FHIT: variants seen among roughly 807,000 people sequenced by gnomAD.
FHIT encodes the protein bis(5'-adenosyl)-triphosphatase.
A neutral mutation model predicts 17.9 loss-of-function variants in FHIT; 19 were observed. That is an observed-to-expected ratio of 1.06 (90% confidence interval 0.74 to 1.56). The LOEUF is 1.56. Ranked by LOEUF, FHIT falls within the 40% of genes most tolerant of loss-of-function variation. The pLI, the probability that FHIT is intolerant of heterozygous loss-of-function variation, is 0.00. For missense variants in FHIT, 248 were observed against 189.2 expected (o/e 1.31, Z -1.82); for synonymous variants, 81 against 69.7 (o/e 1.16, Z -0.81).
At chr3:60,711,328 A>C (rs1429089066) in intron 4 of FHIT, among the ~76,000 whole-genome samples, 2 of 152,172 alleles carry the variant, frequency 1.3e-5, no homozygotes, top group Non-Finnish European at 2.9e-5. Context: ...TGGGGAAAAA[A>C]CAAGAGCAAA....
At chr3:60,106,751 T>A (rs1704434086) in intron 5 of FHIT, among the ~76,000 whole-genome samples, 1 of 152,150 alleles carries the variant, frequency 6.6e-6, no homozygotes, top group Non-Finnish European at 1.5e-5. Flanking sequence ...CAGGAGTGAA[T>A]CCAAAAGCCA....
At chr3:59,756,327 G>A (rs994929) in intron 8 of FHIT, among the ~76,000 whole-genome samples, 61,650 of 151,914 alleles carry the variant, frequency 0.41, 15,863 homozygotes, top group African/African-American at 0.73. Flanking sequence ...CAGCTCTAAA[G>A]TGACCCTCAC....
At chr3:61,059,395 T>G (rs1240833328) in intron 2 of FHIT, among the ~76,000 whole-genome samples, 3 of 123,764 alleles carry the variant, frequency 2.4e-5, no homozygotes, top group Non-Finnish European at 5.1e-5. Flanking sequence ...TTTTTTTTTT[T>G]GCCAGAAAGC....
At chr3:60,278,920 A>G (rs1707298028) in intron 5 of FHIT, among the ~76,000 whole-genome samples, 1 of 152,160 alleles carries the variant, frequency 6.6e-6, no homozygotes. Flanking sequence ...AACTGAACAC[A>G]TATATCAAAA....
At chr3:61,061,705 C>T (rs1323356116) in intron 2 of FHIT, among the ~76,000 whole-genome samples, 3 of 152,126 alleles carry the variant, frequency 2.0e-5, no homozygotes, top group East Asian at 1.9e-4. Context: ...CATTGTCCCT[C>T]GGGAGGAATA....
At chr3:61,036,017 T>TAGG (rs1348276554) in intron 3 of FHIT, among the ~76,000 whole-genome samples, 1 of 152,206 alleles carries the variant, frequency 6.6e-6, no homozygotes, top group Non-Finnish European at 1.5e-5. Context: ...AGGCCATTCT[T>TAGG]ACATTGCTAT....
chr3:61,064,026 G>C (rs2034519807), intron 2 of FHIT, among the ~76,000 whole-genome samples: 2 of 152,094 alleles, frequency 1.3e-5, no homozygotes, highest in Non-Finnish European at 2.9e-5. Flanking sequence ...GTACCTGCAG[G>C]TGGTAGTGTG....
At chr3:60,441,841 CTTTT>C (rs1393400309) in intron 5 of FHIT, among the ~76,000 whole-genome samples, 3 of 123,538 alleles carry the variant, frequency 2.4e-5, no homozygotes, top group African/African-American at 9.1e-5. Context: ...CCCGCTCATT[CTTTT>C]TTTAGTTGTG....
chr3:60,149,342 CTT>C lies in FHIT; in HGVS notation c.104-135192_104-135191del, dbSNP rs34596023. Among the ~76,000 whole-genome samples, 42 of 147,188 alleles carry C rather than the reference CTT, an allele frequency of 2.9e-4. No homozygotes were observed. The South Asian group carries it at 3.9e-3, about 14-fold the overall frequency. ...AGTGTTGGATATACTCTTCAACATG[CTT>C]TTTTTTTTTTCAGGATCAATGTTGA... On this transcript the variant is annotated intron_variant, in intron 5 of 9. Transcript: ENST00000492590.
At chr3:60,390,676 C>T (rs148052760) in intron 5 of FHIT, among the ~76,000 whole-genome samples, 50 of 151,622 alleles carry the variant, frequency 3.3e-4, no homozygotes, top group East Asian at 1.7e-3. Flanking sequence ...ACCTGGCGCA[C>T]GCCTAGGCTA....
At chr3:59,953,509 A>T (rs1352534019) in intron 7 of FHIT, among the ~76,000 whole-genome samples, 2 of 152,086 alleles carry the variant, frequency 1.3e-5, no homozygotes, top group African/African-American at 2.4e-5. Flanking sequence ...GCAGACGCCT[A>T]CCTTGGTCGA....
At chr3:60,708,790 GT>G in intron 4 of FHIT, among the ~76,000 whole-genome samples, 1 of 152,290 alleles carries the variant, frequency 6.6e-6, no homozygotes, top group Non-Finnish European at 1.5e-5. Flanking sequence ...ATGGGAAAAT[GT>G]TTTTGTGGAC....
At chr3:61,075,171 C>T (rs1032293727) in intron 2 of FHIT, among the ~76,000 whole-genome samples, 1 of 152,122 alleles carries the variant, frequency 6.6e-6, no homozygotes, top group African/African-American at 2.4e-5. Context: ...AAGATGCCTT[C>T]ACTTCCCAAA....
chr3:59,945,158 C>T lies in FHIT; in HGVS notation c.280-22744G>A, dbSNP rs150276340. Among the ~76,000 whole-genome samples, 366 of 152,248 alleles carry T rather than the reference C, an allele frequency of 2.4e-3. 2 individuals carry two copies. Among genetic ancestry groups the T allele is most frequent in the African/African-American group, 8.4e-3 (347 of 41,532 alleles). ...CCCACAAGCAGTGTATAAGCAGTCC[C>T]CTTCCTCCACAACCTCACCACTACC... On this transcript the variant is annotated intron_variant, in intron 7 of 9. Coordinates refer to ENST00000492590, the MANE Select transcript of FHIT (RefSeq NM_002012.4).
At chr3:61,195,553 C>T (rs2038831755) in intron 2 of FHIT, among the ~76,000 whole-genome samples, 1 of 152,150 alleles carries the variant, frequency 6.6e-6, no homozygotes, top group African/African-American at 2.4e-5. Context: ...AATGGAATCA[C>T]CCCTAGAGCT....
chr3:59,932,749 A>G (rs866476702), intron 7 of FHIT, among the ~76,000 whole-genome samples: 3 of 152,186 alleles, frequency 2.0e-5, no homozygotes, highest in Admixed American at 6.5e-5. Context: ...CTAAACAGGA[A>G]CAGTGAGAGA....
chr3:60,799,811 C>G (rs1701123955), intron 4 of FHIT, among the ~76,000 whole-genome samples: 1 of 152,156 alleles, frequency 6.6e-6, no homozygotes, highest in African/African-American at 2.4e-5. Context: ...CCTTCACAGC[C>G]ATAGGAAGAA....
At chr3:60,705,164 C>A (rs576139086) in intron 4 of FHIT, among the ~76,000 whole-genome samples, 1 of 151,832 alleles carries the variant, frequency 6.6e-6, no homozygotes, top group Admixed American at 6.6e-5. Flanking sequence ...TATATTTTTA[C>A]ACTGCATTAC....
intron 1 of FHIT, among the ~76,000 whole-genome samples, chr3:61,202,675 G>A (rs749922079): frequency 6.6e-6 from 1 of 151,782 alleles, no homozygotes; most frequent in African/African-American, 2.4e-5. Context: ...AGAACGCAGA[G>A]ATAAAAATAA....
Sources: allele counts gnomAD v4.1 joint callset (sites outside exome capture counted in the v4.1 genomes callset), GRCh38; gene constraint gnomAD v4.1.1; transcripts MANE v1.5; gene names NCBI Gene and HGNC (gene_info 2026-07-23, HGNC 2026-07-21).